Variants in KLHL20 observed in about 807,000 individuals in gnomAD.
KLHL20 encodes the protein kelch like family member 20, also known as kelch-like protein 20.
A neutral mutation model predicts 69.5 loss-of-function variants in KLHL20; 29 were observed. The observed-to-expected ratio is 0.42, with a 90% CI of 0.31 to 0.57. The LOEUF is 0.57. KLHL20 is among the 20% of genes least tolerant of loss of function. The pLI, the probability that KLHL20 is intolerant of heterozygous loss-of-function variation, is 0.18. For synonymous variants in KLHL20, 253 were observed against 265.2 expected, an observed-to-expected ratio of 0.95 and a Z score of 0.45; for missense variants, 419 against 776.0, an observed-to-expected ratio of 0.54 and a Z score of 5.47.
rs1227271903 is a variant in KLHL20 at position 173,782,056 on chromosome 1, A to G, written c.1639-68A>G. On this transcript the variant is annotated intron_variant, in intron 10 of 11. Transcript: ENST00000209884. ...ATCTTTTGTAAATAGATTTATCTAG[A>G]AACCAGTCTATAATTTCCTTACGAT... 5 of 1,072,372 alleles carry G rather than the reference A, an allele frequency of 4.7e-6. No homozygotes were observed. The Admixed American group carries it at 9.1e-5, about 20-fold the overall frequency. The allele number at this position is 1,072,372 out of a possible 1,614,324, so 66.4% of individuals were successfully genotyped here. A position where few individuals can be genotyped will look rare whatever the true frequency, so the allele number is the denominator to read the frequency against.
chr1:173,725,079 TA>T (rs543333869), intron 2 of KLHL20, among the ~76,000 whole-genome samples: 399 of 144,272 alleles, frequency 2.8e-3, no homozygotes, highest in Admixed American at 3.1e-3. Context: ...TGACTGAATC[TA>T]AAAAAAAAAA....
chr1:173,739,137 A>G (rs879703081), intron 3 of KLHL20, among the ~76,000 whole-genome samples: 3 of 151,956 alleles, frequency 2.0e-5, no homozygotes, highest in Non-Finnish European at 4.4e-5. Context: ...CAGTGGCACG[A>G]TCTCAGCTCA....
chr1:173,766,032 C>A, intron 7 of KLHL20, 114 bp from the exon 8 acceptor site: 1 of 784,538 alleles, frequency 1.3e-6, no homozygotes. Context: ...TATTAATCAG[C>A]CCATACTTAG....
chr1:173,740,656 C>G (rs1346776145), intron 3 of KLHL20, among the ~76,000 whole-genome samples: 1 of 152,034 alleles, frequency 6.6e-6, no homozygotes. Flanking sequence ...ACCCAAAGAT[C>G]ATTTCAGGAG....
chr1:173,751,571 T>A (rs1336851777), intron 3 of KLHL20, among the ~76,000 whole-genome samples, 193 bp from the exon 4 acceptor site: 1 of 152,228 alleles, frequency 6.6e-6, no homozygotes, highest in Admixed American at 6.5e-5. Flanking sequence ...CACAAATGAT[T>A]ATTTTTACTA....
chr1:173,744,842 A>T (rs964907208), intron 3 of KLHL20, among the ~76,000 whole-genome samples: 6 of 152,136 alleles, frequency 3.9e-5, no homozygotes, highest in Admixed American at 3.9e-4. Context: ...TAATTACTAA[A>T]GTTTTATAAT....
chr1:173,743,119 TAAAAA>T (rs34507412), intron 3 of KLHL20, among the ~76,000 whole-genome samples: 1 of 136,914 alleles, frequency 7.3e-6, no homozygotes, highest in East Asian at 2.1e-4. Flanking sequence ...AAGGAATGTG[TAAAAA>T]AAAAAAAAAA....
At chr1:173,773,127 A>AT (rs958893427) in intron 8 of KLHL20, among the ~76,000 whole-genome samples, 3 of 151,876 alleles carry the variant, frequency 2.0e-5, no homozygotes, top group Admixed American at 6.6e-5. Flanking sequence ...TGCCTGGCTA[A>AT]TTTTTTTTCC....
At chr1:173,766,464 G>C (rs756344614) in intron 8 of KLHL20, among the ~76,000 whole-genome samples, 175 bp downstream of exon 8, 5 of 145,788 alleles carry the variant, frequency 3.4e-5, no homozygotes, top group South Asian at 4.4e-4. Context: ...GGGCAACATG[G>C]TGAGATAAAA....
At chr1:173,740,114 TTC>T (rs1672728774) in intron 3 of KLHL20, among the ~76,000 whole-genome samples, 1 of 150,652 alleles carries the variant, frequency 6.6e-6, no homozygotes, top group Non-Finnish European at 1.5e-5. Flanking sequence ...TCTTTATCAT[TTC>T]TTTTTTCTTT....
chr1:173,763,773 C>G (rs1647485164), intron 7 of KLHL20, among the ~76,000 whole-genome samples: 1 of 150,536 alleles, frequency 6.6e-6, no homozygotes, highest in South Asian at 2.1e-4. Flanking sequence ...AGACCTGAAA[C>G]TGTAAAAATT....
intron 2 of KLHL20, among the ~76,000 whole-genome samples, chr1:173,719,866 A>G (rs939942945): frequency 2.6e-5 from 4 of 152,218 alleles, no homozygotes; most frequent in African/African-American, 9.7e-5. Context: ...GCTTGATTGT[A>G]GAAATTGGTT....
intron 2 of KLHL20, among the ~76,000 whole-genome samples, chr1:173,721,464 T>C (rs12080389): frequency 0.09 from 13,722 of 152,208 alleles, 2,008 homozygotes; most frequent in African/African-American, 0.31. Flanking sequence ...TCTCTGCATA[T>C]GGGAAGGGCT....
In KLHL20 at chr1:173,733,990, T is replaced by C; in HGVS notation, c.301T>C (p.Leu101=). 1 of 1,614,132 alleles carries C rather than the reference T, an allele frequency of 6.2e-7. No homozygotes were observed. Among genetic ancestry groups the C allele is most frequent in the Non-Finnish European group, 8.5e-7 (1 of 1,180,012 alleles). The change falls in exon 3 of 12, where the codon TTG becomes CTG. Residue 101 remains leucine, a synonymous_variant. Transcript: ENST00000209884. ...CTTCCGAGCTATGTTTACAGGAGAA[T>C]TGGCAGAGAGCCGTCAGACAGAAGT... The part of the protein sequence containing the change: ...PYFRAMFTGE[L]AESRQTEVVI...
intron 2 of KLHL20, among the ~76,000 whole-genome samples, chr1:173,720,536 C>T (rs564042340): frequency 6.6e-6 from 1 of 152,224 alleles, no homozygotes; most frequent in East Asian, 1.9e-4. Context: ...ATCGTTTGTT[C>T]TTTGAACTGA....
At chr1:173,766,479 C>CA (rs1216941305) in intron 8 of KLHL20, among the ~76,000 whole-genome samples, 190 bp downstream of exon 8, 32,208 of 99,336 alleles carry the variant, frequency 0.32, 4,048 homozygotes, top group Middle Eastern at 0.49. Context: ...ATAAAAAATA[C>CA]AAAAAAAAAA....
At chr1:173,766,571 G>A (rs554029602) in intron 8 of KLHL20, among the ~76,000 whole-genome samples, 1 of 151,470 alleles carries the variant, frequency 6.6e-6, no homozygotes, top group South Asian at 2.1e-4. Context: ...GAGCCCAGGA[G>A]GTTGAGGCTG....
chr1:173,777,412 T>C (rs571272833), intron 10 of KLHL20, among the ~76,000 whole-genome samples: 3 of 152,334 alleles, frequency 2.0e-5, no homozygotes, highest in South Asian at 2.1e-4. Context: ...TTCTTTCTTT[T>C]GTCCCATTGC....
At position 173,721,242 on chromosome 1, in the gene KLHL20, A is replaced by G. The variant is rs929322779; in HGVS notation, c.23+5176A>G. On this transcript the variant is annotated intron_variant, in intron 2 of 11. Transcript: ENST00000209884. ...ATAGCTGAGCTACTCCTTCAGTTCA[A>G]TTTCAGAAGACAAAATTTCCAATCT... Among the ~76,000 whole-genome samples the G allele has an allele frequency of 9.2e-5, 14 of 152,152 alleles. No individual in the cohort carries two copies. The South Asian group carries it at 1.4e-3, about 16-fold the overall frequency.
Sources: gnomAD v4.1 joint callset for allele counts (sites outside exome capture counted in the v4.1 genomes callset) on GRCh38, gnomAD v4.1.1 for gene constraint, MANE v1.5 for transcripts, NCBI Gene and HGNC (gene_info 2026-07-23, HGNC 2026-07-21) for gene names.